Variants in SUGCT observed in about 807,000 individuals in gnomAD.
SUGCT encodes succinyl-CoA:glutarate-CoA transferase.
In SUGCT, 41 loss-of-function variants were observed where a neutral mutation model predicts 55.0. That is an observed-to-expected ratio of 0.74 (90% confidence interval 0.58 to 0.97). The LOEUF (loss-of-function observed/expected upper bound fraction) is 0.97. Ranked by LOEUF, SUGCT falls within the 50% of genes least tolerant of loss-of-function variation. The pLI is 0.00. For missense variants in SUGCT, 568 were observed against 547.8 expected (o/e 1.04, Z -0.37); for synonymous variants, 187 against 200.4 (o/e 0.93, Z 0.56).
chr7:40,335,515 G>A (rs551279080), intron 9 of SUGCT, among the ~76,000 whole-genome samples: 1 of 152,056 alleles, frequency 6.6e-6, no homozygotes, highest in African/African-American at 2.4e-5. Flanking sequence ...AAGCAATTGT[G>A]AATGGGAGTT....
intron 3 of SUGCT, among the ~76,000 whole-genome samples, chr7:40,185,077 G>T (rs1035151455): frequency 1.3e-5 from 2 of 152,134 alleles, no homozygotes; most frequent in Non-Finnish European, 2.9e-5. Flanking sequence ...GAAGTGCCTG[G>T]CAAGTCCTGC....
chr7:40,237,612 T>A, intron 6 of SUGCT, 23 bp from the exon 7 acceptor site: 1 of 1,595,098 alleles, frequency 6.3e-7, no homozygotes, highest in Non-Finnish European at 8.6e-7. Context: ...TGGTGCTGAA[T>A]ATGTTTATTT....
At chr7:40,898,697 T>TAAAAAAAAAAAAAAAA in the SUGCT span, among the ~76,000 whole-genome samples, 1 of 144,472 alleles carries the variant, frequency 6.9e-6, no homozygotes, top group Non-Finnish European at 1.5e-5. Context: ...AGACTCCGTC[T>TAAAAAAAAAAAAAAAA]AAAAAAAAAA....
chr7:40,269,936 A>G (rs1791893168), intron 7 of SUGCT, among the ~76,000 whole-genome samples: 3 of 152,100 alleles, frequency 2.0e-5, no homozygotes, highest in Admixed American at 2.0e-4. Flanking sequence ...CAGGAGTTCA[A>G]GACCAGCCTG....
intron 12 of SUGCT, among the ~76,000 whole-genome samples, chr7:40,568,868 A>G (rs909217539): frequency 3.3e-5 from 5 of 152,236 alleles, no homozygotes; most frequent in Non-Finnish European, 7.3e-5. Flanking sequence ...CTAAGAGAGC[A>G]GCCTCCCTCT....
the SUGCT span, among the ~76,000 whole-genome samples, chr7:41,017,330 G>C: frequency 7.7e-6 from 1 of 130,258 alleles, no homozygotes; most frequent in African/African-American, 2.5e-5. Context: ...TGCGATACAT[G>C]GGAAAGACAA....
At chr7:40,903,456 A>G in the SUGCT span, among the ~76,000 whole-genome samples, 2 of 152,190 alleles carry the variant, frequency 1.3e-5, no homozygotes, top group Non-Finnish European at 2.9e-5. Flanking sequence ...AGCCTTTGCT[A>G]GGACACCAGT....
intron 12 of SUGCT, among the ~76,000 whole-genome samples, chr7:40,526,598 G>A (rs1038536654): frequency 1.3e-5 from 2 of 152,128 alleles, no homozygotes; most frequent in East Asian, 3.8e-4. Flanking sequence ...GGGATCAAAC[G>A]TTGAGAACCA....
At chr7:40,855,495 G>C (rs1333604095) in intron 13 of SUGCT, among the ~76,000 whole-genome samples, 2 of 149,068 alleles carry the variant, frequency 1.3e-5, no homozygotes. Context: ...GCTAAATCTT[G>C]TTTAAATTGC....
chr7:40,444,145 G>A (rs1788677654), intron 9 of SUGCT, among the ~76,000 whole-genome samples: 2 of 152,204 alleles, frequency 1.3e-5, no homozygotes, highest in Non-Finnish European at 2.9e-5. Flanking sequence ...GTAGTTTGAA[G>A]TCAGGTAGCG....
chr7:40,466,814 A>C (rs984781172), intron 11 of SUGCT, among the ~76,000 whole-genome samples: 6 of 152,196 alleles, frequency 3.9e-5, no homozygotes, highest in Non-Finnish European at 7.4e-5. Flanking sequence ...AGAAGATCTG[A>C]ATTTGAGATC....
chr7:40,169,709 G>A (rs988864055), intron 1 of SUGCT, among the ~76,000 whole-genome samples: 3 of 151,644 alleles, frequency 2.0e-5, no homozygotes, highest in African/African-American at 4.8e-5. Flanking sequence ...TCCAAAGTCC[G>A]TTTGCCTGAG....
chr7:40,414,480 G>T (rs1786860040), intron 9 of SUGCT, among the ~76,000 whole-genome samples: 1 of 152,060 alleles, frequency 6.6e-6, no homozygotes, highest in Non-Finnish European at 1.5e-5. Context: ...AGCAGATGAG[G>T]GGGGACTACT....
At chr7:40,880,453 T>A in the SUGCT span, among the ~76,000 whole-genome samples, 1 of 152,170 alleles carries the variant, frequency 6.6e-6, no homozygotes, top group Non-Finnish European at 1.5e-5. Context: ...CAATCTTTCA[T>A]CTTATGATTT....
chr7:40,256,167 A>C (rs1314577312), intron 7 of SUGCT, among the ~76,000 whole-genome samples: 1 of 152,182 alleles, frequency 6.6e-6, no homozygotes, highest in Non-Finnish European at 1.5e-5. Flanking sequence ...GGAAGAGATG[A>C]TTTGCATGTC....
intron 13 of SUGCT, among the ~76,000 whole-genome samples, chr7:40,823,528 C>G (rs1584492433): frequency 1.3e-5 from 2 of 152,240 alleles, no homozygotes; most frequent in East Asian, 1.9e-4. Flanking sequence ...GCAATTTCTA[C>G]TACCATAGTT....
chr7:40,312,689 T>C (rs1228597838), intron 8 of SUGCT, among the ~76,000 whole-genome samples: 1 of 152,208 alleles, frequency 6.6e-6, no homozygotes, highest in East Asian at 1.9e-4. Context: ...GCAGGAAATA[T>C]AATCTCTTGC....
intron 9 of SUGCT, among the ~76,000 whole-genome samples, chr7:40,334,543 A>G (rs912972793): frequency 1.3e-5 from 2 of 152,200 alleles, no homozygotes; most frequent in Admixed American, 6.5e-5. Flanking sequence ...GGCTGCATAA[A>G]TGTCTTCTTT....
chr7:40,750,083 T>C (rs982885165), intron 13 of SUGCT, among the ~76,000 whole-genome samples: 1 of 152,234 alleles, frequency 6.6e-6, no homozygotes, highest in Admixed American at 6.5e-5. Context: ...GCTTCTTTAC[T>C]TGCAGAGGGA....
Sources: allele counts gnomAD v4.1 joint callset (sites outside exome capture counted in the v4.1 genomes callset), GRCh38; gene constraint gnomAD v4.1.1; transcripts MANE v1.5; gene names NCBI Gene and HGNC (gene_info 2026-07-23, HGNC 2026-07-21).